The following RUNX1T1 variants were observed in gnomAD, a reference collection of about 807,000 sequenced individuals.
RUNX1T1 encodes RUNX1 partner transcriptional co-repressor 1.
In RUNX1T1, 4 loss-of-function variants were observed where a neutral mutation model predicts 62.8. The ratio of observed to expected loss-of-function variants is 0.06; its 90% CI spans 0.03 to 0.15. The LOEUF (loss-of-function observed/expected upper bound fraction) is 0.15, where lower values mean the gene tolerates loss of function less well. Ranked by LOEUF, RUNX1T1 falls within the 10% of genes least tolerant of loss-of-function variation. The pLI, the probability that RUNX1T1 is intolerant of heterozygous loss-of-function variation, is 1.00. For synonymous variants in RUNX1T1, 291 were observed against 286.0 expected (o/e 1.02, Z -0.18); for missense variants, 508 against 754.3 (o/e 0.67, Z 3.82).
At chr8:91,986,088 ATG>A (rs1471828843) in intron 8 of RUNX1T1, 34 bp downstream of exon 9, 1 of 1,333,866 alleles carries the variant, frequency 7.5e-7, no homozygotes, top group Non-Finnish European at 1.1e-6. Context: ...CATAAGAAAT[ATG>A]TGTTTTCGAG....
chr8:92,073,649 T>C (rs1397031233), intron 2 of RUNX1T1, among the ~76,000 whole-genome samples: 4 of 152,178 alleles, frequency 2.6e-5, no homozygotes, highest in African/African-American at 9.7e-5. Context: ...ATACACCTAA[T>C]ATTATTACAA....
chr8:92,012,752 CAAA>C (rs34797716), intron 3 of RUNX1T1, among the ~76,000 whole-genome samples: 1 of 138,972 alleles, frequency 7.2e-6, no homozygotes. Flanking sequence ...ATCACTCCCT[CAAA>C]AAAAAAAAAA....
At chr8:92,054,847 C>T (rs775264283) in intron 1 of RUNX1T1, among the ~76,000 whole-genome samples, 20 of 151,540 alleles carry the variant, frequency 1.3e-4, no homozygotes, top group Non-Finnish European at 2.7e-4. Flanking sequence ...ACAACAACAA[C>T]AACAAAAATT....
At chr8:91,975,863 A>T (rs1563645159) in intron 9 of RUNX1T1, 42 bp downstream of exon 10, 1 of 1,342,088 alleles carries the variant, frequency 7.5e-7, no homozygotes, top group Admixed American at 1.7e-5. Context: ...AACTGCACAC[A>T]GCTGCCAGAA....
chr8:92,085,751 C>A (rs1836007266), intron 1 of RUNX1T1, among the ~76,000 whole-genome samples: 1 of 152,142 alleles, frequency 6.6e-6, no homozygotes, highest in African/African-American at 2.4e-5. Flanking sequence ...TGAACCATAT[C>A]CTAAAAGTCC....
At chr8:92,032,118 A>AG (rs1826368793) in intron 1 of RUNX1T1, among the ~76,000 whole-genome samples, 4 of 147,612 alleles carry the variant, frequency 2.7e-5, no homozygotes, top group Non-Finnish European at 4.5e-5. Flanking sequence ...AAAAAAAAAA[A>AG]GCATGACAAA....
chr8:92,039,759 C>T (rs903198247), intron 1 of RUNX1T1, among the ~76,000 whole-genome samples: 9 of 152,184 alleles, frequency 5.9e-5, no homozygotes, highest in African/African-American at 1.7e-4. Flanking sequence ...AATCCAGAGT[C>T]ACTCTAGACA....
At chr8:92,100,216 T>A (rs996787770), upstream of RUNX1T1, among the ~76,000 whole-genome samples, 1 of 152,146 alleles carries the variant, frequency 6.6e-6, no homozygotes, top group African/African-American at 2.4e-5. Context: ...CCACAGAGAC[T>A]AAGTCCACAA....
chr8:92,091,198 A>G (rs1836948895), intron 1 of RUNX1T1, among the ~76,000 whole-genome samples: 2 of 152,180 alleles, frequency 1.3e-5, no homozygotes, highest in South Asian at 2.1e-4. Flanking sequence ...TAAAGGCCCT[A>G]TTCATCCAAA....
At chr8:92,084,760 G>A (rs1835837484) in intron 1 of RUNX1T1, among the ~76,000 whole-genome samples, 1 of 152,142 alleles carries the variant, frequency 6.6e-6, no homozygotes, top group East Asian at 1.9e-4. Flanking sequence ...TGCAGAAAGA[G>A]CTTAGGTGTC....
At position 92,074,601 on chromosome 8, in the gene RUNX1T1, T is replaced by C. The variant is rs569960615; in HGVS notation, c.88+1364A>G. Among the ~76,000 whole-genome samples the C allele has an allele frequency of 5.9e-5, 9 of 152,310 alleles. No homozygotes were observed. In the South Asian group the frequency reaches 1.9e-3, roughly 32 times the overall value. On this transcript the variant is annotated intron_variant, in intron 2 of 11. Transcript: ENST00000265814. ...CAATTCTAAAGCGGGATGGTTATTA[T>C]TATTAGATTTTTCCTTTAAGATATT... is the stretch of plus-strand genomic sequence containing the variant.
intron 1 of RUNX1T1, among the ~76,000 whole-genome samples, chr8:92,086,553 C>T (rs994263819): frequency 6.6e-6 from 1 of 152,204 alleles, no homozygotes; most frequent in Non-Finnish European, 1.5e-5. Flanking sequence ...AGCCCTGTCA[C>T]CATCTCCGAA....
At chr8:91,967,641 T>A (rs978779222) in intron 10 of RUNX1T1, among the ~76,000 whole-genome samples, 1 of 152,052 alleles carries the variant, frequency 6.6e-6, no homozygotes. Flanking sequence ...GTATCTAGAG[T>A]TAACACAAAT....
intron 1 of RUNX1T1, among the ~76,000 whole-genome samples, chr8:92,039,422 C>A (rs1014661915): frequency 6.6e-6 from 1 of 152,166 alleles, no homozygotes; most frequent in African/African-American, 2.4e-5. Flanking sequence ...TCTCTCAAAA[C>A]CTCCATAACA....
intron 2 of RUNX1T1, among the ~76,000 whole-genome samples, chr8:92,073,010 CTT>C (rs893712678): frequency 6.6e-6 from 1 of 152,140 alleles, no homozygotes. Context: ...AACAGGCACT[CTT>C]TGCAAAAAAA....
At chr8:91,982,641 T>C (rs1815590838) in intron 8 of RUNX1T1, among the ~76,000 whole-genome samples, 1 of 152,220 alleles carries the variant, frequency 6.6e-6, no homozygotes, top group Non-Finnish European at 1.5e-5. Context: ...AAGTCATACT[T>C]TGAAAATAGA....
In RUNX1T1 at chr8:92,016,632, G is replaced by A. The variant is rs536938728; in HGVS notation, c.145+594C>T. ...AGAGGTTGCAGTGAGCTGAGATCGT[G>A]CCACTGCACTCCAGCCTGGGTGACA... is the stretch of plus-strand genomic sequence containing the variant. On this transcript the variant is annotated intron_variant, in intron 2 of 10. Transcript: ENST00000396218. 3.2e-4 allele frequency among the ~76,000 whole-genome samples: 49 copies of A among 152,198 alleles called. 1 individual carries two copies. Among genetic ancestry groups the A allele is most frequent in the African/African-American group, 1.2e-3 (48 of 41,522 alleles).
At chr8:91,992,085 C>T (rs909604893) in intron 5 of RUNX1T1, among the ~76,000 whole-genome samples, 196 bp from the exon 7 acceptor site, 2 of 152,128 alleles carry the variant, frequency 1.3e-5, no homozygotes, top group Non-Finnish European at 2.9e-5. Flanking sequence ...AGCCTGCAGA[C>T]AGGAAAAAAT....
exon 3 of RUNX1T1, chr8:92,014,733 G>A: frequency 6.2e-7 from 1 of 1,614,106 alleles, no homozygotes; most frequent in South Asian, 1.1e-5. Flanking sequence ...AGAGGAGGAG[G>A]AAGAAGAGGA....
Sources: gnomAD v4.1 joint callset for allele counts (sites outside exome capture counted in the v4.1 genomes callset) on GRCh38, gnomAD v4.1.1 for gene constraint, MANE v1.5 for transcripts, NCBI Gene and HGNC (gene_info 2026-07-23, HGNC 2026-07-21) for gene names.